The following HS3ST4 variants were observed in gnomAD, a reference collection of about 807,000 sequenced individuals.
HS3ST4 encodes the protein heparan sulfate glucosamine 3-O-sulfotransferase 4.
A neutral mutation model predicts 29.2 loss-of-function variants in HS3ST4; 17 were observed. The observed-to-expected ratio is 0.58, with a 90% CI of 0.40 to 0.87. The LOEUF (loss-of-function observed/expected upper bound fraction) is 0.87, where lower values mean the gene tolerates loss of function less well. HS3ST4 is among the 40% of genes least tolerant of loss of function. The probability of loss-of-function intolerance (pLI) is 0.00; values close to 1 mark genes in which losing one functional copy is unlikely to be tolerated. For missense variants in HS3ST4, 627 were observed against 634.5 expected, an observed-to-expected ratio of 0.99 and a Z score of 0.13; for synonymous variants, 314 against 285.7, an observed-to-expected ratio of 1.10 and a Z score of -1.00.
At chr16:25,885,081 C>T (rs1340518520) in intron 1 of HS3ST4, among the ~76,000 whole-genome samples, 1 of 152,100 alleles carries the variant, frequency 6.6e-6, no homozygotes, top group African/African-American at 2.4e-5. Context: ...CAAGCTTAAC[C>T]ACTCACTGCT....
chr16:25,805,873 G>A (rs374647244), intron 1 of HS3ST4, among the ~76,000 whole-genome samples: 47 of 151,938 alleles, frequency 3.1e-4, no homozygotes, highest in Admixed American at 9.2e-4. Context: ...ACTCCCCGAC[G>A]GGCCCCATTG....
chr16:25,886,191 C>T (rs1967949967), intron 1 of HS3ST4, among the ~76,000 whole-genome samples: 1 of 151,834 alleles, frequency 6.6e-6, no homozygotes, highest in Non-Finnish European at 1.5e-5. Context: ...TGCCACCATG[C>T]CTGGCTAATT....
intron 1 of HS3ST4, among the ~76,000 whole-genome samples, chr16:25,780,901 G>T (rs898859006): frequency 2.0e-5 from 3 of 152,030 alleles, no homozygotes; most frequent in Non-Finnish European, 4.4e-5. Context: ...GTCTGTTTTT[G>T]CTTTGGGTTG....
At chr16:25,749,870 C>A (rs1966708120) in intron 1 of HS3ST4, among the ~76,000 whole-genome samples, 1 of 152,136 alleles carries the variant, frequency 6.6e-6, no homozygotes, top group Non-Finnish European at 1.5e-5. Flanking sequence ...GATGCTAAAA[C>A]TAATAAGGTA....
intron 1 of HS3ST4, among the ~76,000 whole-genome samples, chr16:25,705,291 G>T (rs745738109): frequency 6.6e-6 from 1 of 152,210 alleles, no homozygotes; most frequent in Non-Finnish European, 1.5e-5. Context: ...AGCCCCTGGA[G>T]ATGAGGAAAT....
At chr16:25,841,775 C>A (rs539597395) in intron 1 of HS3ST4, among the ~76,000 whole-genome samples, 18 of 152,102 alleles carry the variant, frequency 1.2e-4, no homozygotes, top group African/African-American at 4.3e-4. Context: ...CTAGAACCTG[C>A]GTCTGTGGGT....
Position 25,755,608 on chromosome 16 carries a change from T to G in HS3ST4, c.734+62457T>G, listed in dbSNP as rs527804033. Among the ~76,000 whole-genome samples the G allele has an allele frequency of 3.9e-5, 6 of 152,336 alleles. No individual in the cohort carries two copies. The South Asian group carries it at 1.2e-3, about 32-fold the overall frequency. On this transcript the variant is annotated intron_variant, in intron 1 of 1. Coordinates refer to ENST00000331351, the MANE Select transcript of HS3ST4 (RefSeq NM_006040.3). ...TTTTGGCTTGCAGGTGTGCTTTCTT[T>G]ACCTTGGCCCGAGGTTTTAAAAGAA...
chr16:26,136,336 T>G lies in HS3ST4; in HGVS notation c.*88T>G, dbSNP rs1428269272. The G allele has an allele frequency of 2.0e-5, 25 of 1,243,510 alleles. No individual in the cohort carries two copies. The highest frequency in any genetic ancestry group is 2.6e-5 in the Non-Finnish European group (24 of 911,540). The allele number at this position is 1,243,510 out of a possible 1,614,324, so 77.0% of individuals were successfully genotyped here. On this transcript the variant is annotated 3_prime_UTR_variant, in exon 2 of 2. Coordinates refer to ENST00000331351, the MANE Select transcript of HS3ST4 (RefSeq NM_006040.3). ...ATACCCCAGCTTCTGCAGCTTCACTTGCTGGAGTGCCAAGTAGATCTCCTC... is the reference window on the plus strand; with the variant it reads ...ATACCCCAGCTTCTGCAGCTTCACTGGCTGGAGTGCCAAGTAGATCTCCTC...
intron 1 of HS3ST4, among the ~76,000 whole-genome samples, chr16:26,060,075 G>A (rs1898457210): frequency 6.6e-6 from 1 of 152,174 alleles, no homozygotes; most frequent in South Asian, 2.1e-4. Context: ...ACTGCGCCCA[G>A]CCTATTACTA....
At chr16:26,006,300 GAAAAAAA>G (rs11461863) in intron 1 of HS3ST4, among the ~76,000 whole-genome samples, 1 of 68,666 alleles carries the variant, frequency 1.5e-5, no homozygotes, top group East Asian at 5.6e-4. Flanking sequence ...CTCTGTTTCA[GAAAAAAA>G]AAAAAAAAAA....
intron 1 of HS3ST4, among the ~76,000 whole-genome samples, chr16:26,045,085 C>T (rs1898249005): frequency 6.6e-6 from 1 of 152,100 alleles, no homozygotes; most frequent in African/African-American, 2.4e-5. Context: ...GCTGTGGGTG[C>T]AGCACTAAGA....
chr16:26,110,273 A>G (rs185394158), intron 1 of HS3ST4, among the ~76,000 whole-genome samples: 1 of 152,280 alleles, frequency 6.6e-6, no homozygotes, highest in East Asian at 1.9e-4. Flanking sequence ...TATATATTAT[A>G]TATATGGTAT....
At chr16:25,972,138 T>C (rs1357299438) in intron 1 of HS3ST4, among the ~76,000 whole-genome samples, 2 of 152,218 alleles carry the variant, frequency 1.3e-5, no homozygotes, top group Non-Finnish European at 2.9e-5. Context: ...TAGTTAACTA[T>C]TGTTTTGTAA....
intron 1 of HS3ST4, among the ~76,000 whole-genome samples, chr16:26,074,142 C>CT (rs1244656703): frequency 2.6e-5 from 4 of 152,108 alleles, no homozygotes; most frequent in African/African-American, 7.2e-5. Context: ...CCCTCCGTGC[C>CT]CCACATCATT....
At chr16:25,803,833 C>A (rs191853084) in intron 1 of HS3ST4, among the ~76,000 whole-genome samples, 251 of 152,270 alleles carry the variant, frequency 1.6e-3, no homozygotes, top group African/African-American at 5.8e-3. Flanking sequence ...GTGATCAGCA[C>A]CCCTGTTCCT....
intron 1 of HS3ST4, among the ~76,000 whole-genome samples, chr16:25,695,146 G>A (rs1296152281): frequency 6.6e-6 from 1 of 152,182 alleles, no homozygotes; most frequent in Non-Finnish European, 1.5e-5. Context: ...ACCAATGCTT[G>A]TGGTATTTGG....
intron 1 of HS3ST4, among the ~76,000 whole-genome samples, chr16:25,977,151 T>C (rs1358849552): frequency 1.3e-5 from 2 of 152,116 alleles, no homozygotes; most frequent in Non-Finnish European, 2.9e-5. Context: ...ATTATATTAT[T>C]ATAATTTTTA....
chr16:26,072,902 C>G (rs1290486813), intron 1 of HS3ST4, among the ~76,000 whole-genome samples: 3 of 151,998 alleles, frequency 2.0e-5, no homozygotes, highest in Non-Finnish European at 4.4e-5. Context: ...CATGTTGAGC[C>G]AAAAGTTGTT....
intron 1 of HS3ST4, among the ~76,000 whole-genome samples, chr16:25,808,394 T>C (rs929084740): frequency 3.3e-5 from 5 of 152,224 alleles, no homozygotes; most frequent in Non-Finnish European, 7.4e-5. Flanking sequence ...GCTGTGTTTC[T>C]TTTTTTGTGC....
Sources: allele counts gnomAD v4.1 joint callset (sites outside exome capture counted in the v4.1 genomes callset), GRCh38; gene constraint gnomAD v4.1.1; transcripts MANE v1.5; gene names NCBI Gene and HGNC (gene_info 2026-07-23, HGNC 2026-07-21).